JAG2: variants seen among roughly 807,000 people sequenced by gnomAD.
The protein encoded by JAG2 is jagged canonical Notch ligand 2.
JAG2 carries 46 observed loss-of-function variants against 141.7 expected under a neutral mutation model. That is an observed-to-expected ratio of 0.32 (90% CI 0.26 to 0.42). JAG2 has a LOEUF of 0.42. JAG2 is among the 10% of genes least tolerant of loss of function. JAG2 has a pLI of 1.00. For synonymous variants in JAG2, 862 were observed against 763.5 expected (o/e 1.13, Z -2.13); for missense variants, 1,500 against 1,817.5 (o/e 0.83, Z 3.18).
intron 2 of JAG2, among the ~76,000 whole-genome samples, chr14:105,159,296 A>G (rs968755564): frequency 1.3e-5 from 2 of 151,986 alleles, no homozygotes; most frequent in African/African-American, 4.8e-5. Context: ...CCCAGGTAGG[A>G]GCACAGGATG....
rs587762614 is a variant in JAG2, at chr14:105,156,078, C to T, written c.476-89G>A. The T allele has an allele frequency of 2.6e-5, 39 of 1,503,704 alleles. No homozygotes were observed. In the East Asian group the frequency reaches 5.8e-4, roughly 22 times the overall value. The allele number at this position is 1,503,704 out of a possible 1,614,324, so 93.1% of individuals were successfully genotyped here. ...ACAACGGGGACGGGGCAGAAGCCTGCGGCTGCTGCAAGGCCGGGGCACAGC... is the reference window on the plus strand; with the variant it reads ...ACAACGGGGACGGGGCAGAAGCCTGTGGCTGCTGCAAGGCCGGGGCACAGC... On this transcript the variant is annotated intron_variant, in intron 3 of 25. Transcript: ENST00000331782.
In JAG2 at chr14:105,150,649, G is replaced by A. The variant is rs942730406; in HGVS notation, c.1557C>T (p.Gly519=). 1.3e-6 allele frequency: 2 copies of A among 1,549,624 alleles called. No homozygotes were observed. The highest frequency in any genetic ancestry group is 2.4e-5 in the South Asian group (2 of 84,018). Residue 519 remains glycine, a synonymous_variant, in exon 12 of 26, where the codon GGC becomes GGT. Transcript: ENST00000331782. ...SGGLCEDLAD[G]FHCHCPQGFS... is the part of the protein sequence containing the mutation. ...AGCCCTGGGGGCAGTGGCAGTGGAA[G>A]CCGTCGGCCAGGTCCTCGCAGAGGC... is the stretch of plus-strand genomic sequence containing the variant.
At chr14:105,146,782 G>T in intron 20 of JAG2, 58 bp from the exon 21 acceptor site, 1 of 1,368,558 alleles carries the variant, frequency 7.3e-7, no homozygotes, top group Non-Finnish European at 1.0e-6. Context: ...CGCAGGACCG[G>T]CATGGCCTAG....
chr14:105,153,315 A>T (rs1888490143), intron 5 of JAG2, among the ~76,000 whole-genome samples: 1 of 152,226 alleles, frequency 6.6e-6, no homozygotes, highest in Non-Finnish European at 1.5e-5. Flanking sequence ...ACGTGTCTCC[A>T]GTATCCAGCC....
Position 105,150,981 on chromosome 14 carries a change from C to T in JAG2, c.1381+10G>A, listed in dbSNP as rs763286084. 28 of 1,610,912 alleles carry T rather than the reference C, an allele frequency of 1.7e-5. 3 individuals are homozygous for T. In the South Asian group the frequency reaches 2.8e-4, roughly 16 times the overall value. ...CGGCCCACCCGCCGGCGCCCACCCC[C>T]CATACTGACTGATATGGCAGTTGAT... On this transcript the variant is annotated intron_variant, in intron 10 of 25. Coordinates refer to ENST00000331782, the MANE Select transcript of JAG2 (RefSeq NM_002226.5).
At position 105,147,821 on chromosome 14, in the gene JAG2, G is replaced by C; in HGVS notation, c.2316C>G (p.Ser772=). 6.5e-7 allele frequency: 1 copy of C among 1,550,180 alleles called. No individual in the cohort carries two copies. The highest frequency in any genetic ancestry group is 1.2e-5 in the South Asian group (1 of 84,056). Residue 772 remains serine, a synonymous_variant, in exon 18 of 26, where the codon TCC becomes TCG. Transcript: ENST00000331782. ...AGCCGTCCCGGCAGATGCAGGAGAA[G>C]GAGGCCCCGCTGCCCACGCAGGTGC... ...NGGTCVGSGA[S]FSCICRDGWE...
chr14:105,161,121 G>C (rs1373573160), intron 2 of JAG2, among the ~76,000 whole-genome samples: 2 of 150,268 alleles, frequency 1.3e-5, no homozygotes, highest in East Asian at 3.9e-4. Flanking sequence ...GTCCGAGTGA[G>C]GTCTGTTGGG....
chr14:105,146,435 C>T lies in JAG2; in HGVS notation c.2659G>A (p.Glu887Lys), dbSNP rs1261355063. 8.1e-6 allele frequency: 13 copies of T among 1,612,626 alleles called. No homozygotes were observed. Among genetic ancestry groups the T allele is most frequent in the Non-Finnish European group, 1.1e-5 (13 of 1,179,894 alleles). Residue 887 changes from glutamate to lysine, a missense_variant, in exon 22 of 26, where the codon GAA becomes AAA. Around this residue, in one of 3 missense-constraint regions of JAG2, gnomAD observed 875 missense variants for 1,202.2 expected, o/e 0.73. Transcript: ENST00000331782. ...AGGCAGCGGCAGCTGTTGCAGTCTT[C>T]CACCCAGGAGCTTCCGTGTGGGAAC... ...TPFPHGSSWV[E>K]DCNSCRCLDG... is the part of the protein sequence containing the mutation.
In JAG2 at chr14:105,168,009, C is replaced by G; in HGVS notation, c.165G>C (p.Arg55=). The G allele has an allele frequency of 6.3e-7, 1 of 1,599,212 alleles. No individual in the cohort carries two copies. The highest frequency in any genetic ancestry group is 8.5e-7 in the Non-Finnish European group (1 of 1,177,106). Reference sequence around the variant, plus strand: ...GGCCGCAGCCCCCCGCGCGCGTTGTCCGGCCGTCGCCGTCACAGCAGGCGC... The same window carrying G: ...GGCCGCAGCCCCCCGCGCGCGTTGTGCGGCCGTCGCCGTCACAGCAGGCGC... ...LSGACCDGDG[R]TTRAGGCGHD... Residue 55 remains arginine, a synonymous_variant, in exon 2 of 26, where the codon CGG becomes CGC. Coordinates refer to ENST00000331782, the MANE Select transcript of JAG2 (RefSeq NM_002226.5).
At chr14:105,162,207 G>A (rs1253749818) in intron 2 of JAG2, among the ~76,000 whole-genome samples, 2 of 152,040 alleles carry the variant, frequency 1.3e-5, no homozygotes, top group African/African-American at 4.8e-5. Context: ...CCCCTGCCCA[G>A]TCTCTGGAGG....
rs770556119 is a variant in JAG2 at position 105,145,816 on chromosome 14, C to T, written c.2867G>A (p.Ser956Asn). 6.4e-7 allele frequency: 1 copy of T among 1,566,464 alleles called. No individual in the cohort carries two copies. Among genetic ancestry groups the T allele is most frequent in the South Asian group, 1.2e-5 (1 of 85,220 alleles). Reference sequence around the variant, plus strand: ...GCCGGAGCGTGGCAGGCAGGGGGTGCTCGGTGGCTCTTCTGCGCCGCACTC... The same window carrying T: ...GCCGGAGCGTGGCAGGCAGGGGGTGTTCGGTGGCTCTTCTGCGCCGCACTC... ...WGECGAEEPP[S>N]TPCLPRSGHL... The change falls in exon 23 of 26, where the codon AGC becomes AAC. Residue 956 changes from serine to asparagine, a missense_variant. Ser to Asn is a conservative substitution (Grantham distance 46). Coordinates refer to ENST00000331782, the MANE Select transcript of JAG2 (RefSeq NM_002226.5).
chr14:105,157,387 C>T (rs150358998), intron 3 of JAG2, among the ~76,000 whole-genome samples: 16 of 152,204 alleles, frequency 1.1e-4, no homozygotes, highest in African/African-American at 3.1e-4. Context: ...TGCTCCAGTA[C>T]AGACAAGCAG....
intron 3 of JAG2, 136 bp from the exon 4 acceptor site, chr14:105,156,125 A>G: frequency 8.5e-7 from 1 of 1,173,314 alleles, no homozygotes; most frequent in Non-Finnish European, 1.2e-6. Flanking sequence ...CACGGAGGGC[A>G]GGGCCCCCGG....
intron 5 of JAG2, among the ~76,000 whole-genome samples, chr14:105,153,070 T>C (rs1405883207): frequency 6.7e-6 from 1 of 149,376 alleles, no homozygotes; most frequent in Non-Finnish European, 1.5e-5. Context: ...CTCAGCAGGC[T>C]GCCATCCAGG....
At chr14:105,155,651 G>A in intron 4 of JAG2, 29 bp from the exon 5 acceptor site, 1 of 1,612,382 alleles carries the variant, frequency 6.2e-7, no homozygotes, top group Middle Eastern at 1.6e-4. Flanking sequence ...GAGAGGCACA[G>A]CTGCAGCCAG....
chr14:105,153,952 C>T (rs1461327757), intron 5 of JAG2, among the ~76,000 whole-genome samples: 1 of 152,220 alleles, frequency 6.6e-6, no homozygotes, highest in East Asian at 1.9e-4. Context: ...CCAGGTCCAC[C>T]TTGTTGCACT....
intron 2 of JAG2, among the ~76,000 whole-genome samples, chr14:105,161,469 A>T (rs1888745357): frequency 6.6e-6 from 1 of 152,118 alleles, no homozygotes; most frequent in Non-Finnish European, 1.5e-5. Flanking sequence ...ACCTCATGCC[A>T]GCCACTCAGG....
Position 105,143,551 on chromosome 14 carries a change from T to A in JAG2, c.3172A>T (p.Asn1058Tyr). 2 of 1,597,132 alleles carry A rather than the reference T, an allele frequency of 1.3e-6. No individual in the cohort carries two copies. The highest frequency in any genetic ancestry group is 1.7e-6 in the Non-Finnish European group (2 of 1,174,748). Residue 1058 changes from asparagine to tyrosine, a missense_variant, in exon 25 of 26, where the codon AAC becomes TAC. By Grantham distance (143) the Asn-to-Tyr change is moderately radical (BLOSUM62 -2). This residue lies in a region of JAG2 where 425 missense variants were observed against 441.0 expected (regional missense o/e 0.96). Coordinates refer to ENST00000331782, the MANE Select transcript of JAG2 (RefSeq NM_002226.5). ...GTGACAGCCAGGAGCAGTGAGCTGT[T>A]CCCCCGCTGGGTGATGGCGGCCACG... ...AIVAAITQRG[N>Y]SSLLLAVTEV...
intron 2 of JAG2, among the ~76,000 whole-genome samples, chr14:105,164,901 T>C (rs901394066): frequency 6.6e-6 from 1 of 152,140 alleles, no homozygotes; most frequent in Non-Finnish European, 1.5e-5. Context: ...TCAGGCCTCC[T>C]GAGCTGATAG....
Sources: allele counts gnomAD v4.1 joint callset (sites outside exome capture counted in the v4.1 genomes callset), GRCh38; gene constraint gnomAD v4.1.1; regional missense constraint gnomAD v4.1.1; transcripts MANE v1.5; gene names NCBI Gene and HGNC (gene_info 2026-07-23, HGNC 2026-07-21).